The following CTTNBP2 variants were observed in gnomAD, a reference collection of about 807,000 sequenced individuals.
CTTNBP2 encodes cortactin-binding protein 2.
A neutral mutation model predicts 156.9 loss-of-function variants in CTTNBP2; 108 were observed. The observed-to-expected ratio is 0.69, with a 90% CI of 0.59 to 0.81. CTTNBP2 has a LOEUF of 0.81. Ranked by LOEUF, CTTNBP2 falls within the 30% of genes least tolerant of loss-of-function variation. The pLI is 0.00. For missense variants in CTTNBP2, 1,924 were observed against 2,035.4 expected (o/e 0.95, Z 1.05); for synonymous variants, 767 against 751.8 (o/e 1.02, Z -0.33).
intron 20 of CTTNBP2, among the ~76,000 whole-genome samples, chr7:117,720,496 C>G (rs1484000709): frequency 6.6e-6 from 1 of 152,072 alleles, no homozygotes; most frequent in East Asian, 1.9e-4. Flanking sequence ...GAGTTCGAAA[C>G]CAGCCAGGCC....
chr7:117,721,162 C>T (rs756684156), intron 19 of CTTNBP2, 32 bp from the exon 20 acceptor site: 14 of 1,256,072 alleles, frequency 1.1e-5, no homozygotes, highest in East Asian at 2.3e-5. Flanking sequence ...TTCAATAGAT[C>T]ATTATCCCTG....
chr7:117,864,802 T>G (rs1804042573), intron 1 of CTTNBP2, among the ~76,000 whole-genome samples: 1 of 143,066 alleles, frequency 7.0e-6, no homozygotes, highest in Non-Finnish European at 1.5e-5. Flanking sequence ...TCATTCTATA[T>G]TCATATATAT....
chr7:117,858,096 C>T (rs1051573843), intron 2 of CTTNBP2, among the ~76,000 whole-genome samples: 3 of 152,170 alleles, frequency 2.0e-5, no homozygotes, highest in Non-Finnish European at 4.4e-5. Flanking sequence ...ATAGGTCGGG[C>T]GCGGTGGCTC....
At chr7:117,770,085 A>G (rs958895049) in intron 8 of CTTNBP2, among the ~76,000 whole-genome samples, 2 of 152,214 alleles carry the variant, frequency 1.3e-5, no homozygotes, top group African/African-American at 4.8e-5. Flanking sequence ...CAACATCATC[A>G]TCACCAGCTA....
chr7:117,729,390 T>TA (rs1247253522), intron 16 of CTTNBP2, among the ~76,000 whole-genome samples: 2 of 152,192 alleles, frequency 1.3e-5, no homozygotes, highest in South Asian at 2.1e-4. Flanking sequence ...ATCCAATAAA[T>TA]AGACTTTCTA....
intron 1 of CTTNBP2, among the ~76,000 whole-genome samples, chr7:117,866,262 G>C (rs189516277): frequency 1.3e-5 from 2 of 152,166 alleles, no homozygotes; most frequent in Admixed American, 1.3e-4. Flanking sequence ...GAATTCAATA[G>C]ATACAGCTAA....
chr7:117,716,436 C>T (rs1440310125), intron 22 of CTTNBP2, among the ~76,000 whole-genome samples: 3 of 152,204 alleles, frequency 2.0e-5, no homozygotes, highest in East Asian at 1.9e-4. Flanking sequence ...CTTCCACTGA[C>T]GATGTTCCAC....
intron 3 of CTTNBP2, among the ~76,000 whole-genome samples, chr7:117,807,254 T>C (rs1327507469): frequency 1.3e-5 from 2 of 152,176 alleles, no homozygotes; most frequent in Non-Finnish European, 2.9e-5. Context: ...GTGCAAAATG[T>C]CCTAAATCCT....
chr7:117,776,337 G>C (rs1279190233), intron 8 of CTTNBP2, among the ~76,000 whole-genome samples: 2 of 152,072 alleles, frequency 1.3e-5, no homozygotes, highest in African/African-American at 4.8e-5. Flanking sequence ...TGATGTTGTT[G>C]CTAAATGAAT....
chr7:117,785,940 G>C (rs1253713688), intron 4 of CTTNBP2, among the ~76,000 whole-genome samples: 1 of 152,110 alleles, frequency 6.6e-6, no homozygotes, highest in Non-Finnish European at 1.5e-5. Context: ...TATCCCTTTA[G>C]TAAGATACAA....
intron 14 of CTTNBP2, among the ~76,000 whole-genome samples, chr7:117,743,761 CAAAAAAAAAAA>C (rs556372208): frequency 0.012 from 237 of 19,636 alleles, no homozygotes; most frequent in African/African-American, 0.033. Context: ...GACTCTGTCT[CAAAAAAAAAAA>C]AAAAAAAAAA....
chr7:117,791,329 G>T lies in CTTNBP2; in HGVS notation c.1867C>A (p.Pro623Thr), dbSNP rs1798995130. 1 of 1,614,078 alleles carries T rather than the reference G, an allele frequency of 6.2e-7. No homozygotes were observed. Among genetic ancestry groups the T allele is most frequent in the African/African-American group, 1.3e-5 (1 of 74,934 alleles). The change falls in exon 4 of 23, where the codon CCT (proline) becomes ACT (threonine). Residue 623 changes from proline to threonine, a missense_variant. By Grantham distance (38) the Pro-to-Thr change is conservative (BLOSUM62 -1). Coordinates refer to ENST00000160373, the MANE Select transcript of CTTNBP2 (RefSeq NM_033427.3). ...AGGGCTGAAACGGCACAGCCTGCAGGTGCCACAGTTAAATCTATGGATGGT... is the reference window on the plus strand; with the variant it reads ...AGGGCTGAAACGGCACAGCCTGCAGTTGCCACAGTTAAATCTATGGATGGT... ...PKPSIDLTVA[P>T]AGCAVSALAT... is the part of the protein sequence containing the mutation.
In CTTNBP2 at chr7:117,780,550, T is replaced by A; in HGVS notation, c.2414A>T (p.His805Leu). The stretch of plus-strand genomic sequence containing the variant: ...AGGTGTCTGTCCTCCATCAGCAGCA[T>A]GATTAATGTTAGCATCATATGAAAT... ...LLISYDANIN[H>L]AADGGQTPLY... is the part of the protein sequence containing the mutation. The change falls in exon 7 of 23, where the codon CAT (histidine) becomes CTT (leucine). Residue 805 changes from histidine (H) to leucine (L), a missense_variant. By Grantham distance (99) the His-to-Leu change is moderately conservative. Transcript: ENST00000160373. 1 of 1,594,146 alleles carries A rather than the reference T, an allele frequency of 6.3e-7. No individual in the cohort carries two copies. The highest frequency in any genetic ancestry group is 8.6e-7 in the Non-Finnish European group (1 of 1,168,818).
At chr7:117,763,539 T>C (rs1206786375) in intron 9 of CTTNBP2, among the ~76,000 whole-genome samples, 1 of 149,230 alleles carries the variant, frequency 6.7e-6, no homozygotes, top group Non-Finnish European at 1.5e-5. Context: ...ACCATTGTTT[T>C]CTTTTTCTTC....
intron 2 of CTTNBP2, among the ~76,000 whole-genome samples, chr7:117,814,628 A>G (rs1339059714): frequency 6.6e-6 from 1 of 152,128 alleles, no homozygotes; most frequent in African/African-American, 2.4e-5. Context: ...AAGTCTCACT[A>G]TGTTGCTCAG....
intron 11 of CTTNBP2, 121 bp downstream of exon 11, chr7:117,757,754 G>A: frequency 1.7e-6 from 1 of 603,570 alleles, no homozygotes; most frequent in Non-Finnish European, 2.9e-6. Flanking sequence ...CCTAGTGGTG[G>A]AACTCACATG....
chr7:117,724,461 A>AT, intron 19 of CTTNBP2, 86 bp downstream of exon 19: 4 of 1,149,512 alleles, frequency 3.5e-6, no homozygotes, highest in Non-Finnish European at 4.9e-6. Context: ...ATGCATCGTG[A>AT]TAAAAATGAA....
intron 9 of CTTNBP2, among the ~76,000 whole-genome samples, chr7:117,761,684 C>T (rs1797225059): frequency 6.6e-6 from 1 of 152,006 alleles, no homozygotes; most frequent in Non-Finnish European, 1.5e-5. Flanking sequence ...ACAGGTATTA[C>T]CTTTAGTTTG....
intron 12 of CTTNBP2, among the ~76,000 whole-genome samples, chr7:117,751,274 C>T (rs1445291350): frequency 2.0e-5 from 3 of 152,152 alleles, no homozygotes; most frequent in Non-Finnish European, 4.4e-5. Context: ...GCAATAAATC[C>T]CAAGTTTTAT....
Sources: gnomAD v4.1 joint callset for allele counts (sites outside exome capture counted in the v4.1 genomes callset) on GRCh38, gnomAD v4.1.1 for gene constraint, MANE v1.5 for transcripts, NCBI Gene and HGNC (gene_info 2026-07-23, HGNC 2026-07-21) for gene names.